The following NELL2 variants were observed in gnomAD, a reference collection of about 807,000 sequenced individuals.
NELL2 encodes neural EGFL like 2, also known as protein kinase C-binding protein NELL2.
NELL2 carries 41 observed loss-of-function variants against 109.6 expected under a neutral mutation model. That is an observed-to-expected ratio of 0.37 (90% confidence interval 0.29 to 0.49). NELL2 has a LOEUF of 0.49. Among genes scored for constraint, NELL2 ranks in the 20% least tolerant of loss-of-function variants. The pLI, the probability that NELL2 is intolerant of heterozygous loss-of-function variation, is 0.98. For synonymous variants in NELL2, 355 were observed against 344.7 expected (o/e 1.03, Z -0.33); for missense variants, 900 against 1,008.3 (o/e 0.89, Z 1.45).
intron 19 of NELL2, among the ~76,000 whole-genome samples, chr12:44,518,888 T>A (rs184666807): frequency 1.6e-3 from 249 of 152,346 alleles, no homozygotes; most frequent in Non-Finnish European, 2.9e-3. Flanking sequence ...ACTTTTAAAT[T>A]TGCTAATGCA....
At chr12:44,566,566 C>CACACACAGAGAGAG (rs377368706) in intron 15 of NELL2, among the ~76,000 whole-genome samples, 1 of 138,422 alleles carries the variant, frequency 7.2e-6, no homozygotes, top group African/African-American at 2.6e-5. Context: ...CACACACACA[C>CACACACAGAGAGAG]AGAGTTTTAT....
chr12:44,694,520 A>AACACACACACACACACACAC (rs60024794), intron 12 of NELL2, among the ~76,000 whole-genome samples: 3 of 144,290 alleles, frequency 2.1e-5, no homozygotes, highest in Non-Finnish European at 3.0e-5. Context: ...CACACATACA[A>AACACACACACACACACACAC]ACACACACAC....
rs567066471 is a variant in NELL2 at position 44,899,699 on chromosome 12, T to A, written c.38+14100A>T. 5.3e-5 allele frequency among the ~76,000 whole-genome samples: 8 copies of A among 152,192 alleles called. No homozygotes were observed. The South Asian group carries it at 1.7e-3, about 32-fold the overall frequency. ...GCATCGACACTATGAAGAAACTGCA[T>A]CAACTAATGGGCAAAATAACCAGCT... On this transcript the variant is annotated intron_variant, in intron 1 of 20. Transcript: ENST00000333837.
Position 44,750,916 on chromosome 12 carries a change from G to C in NELL2, c.994+23831C>G, listed in dbSNP as rs145441478. Among the ~76,000 whole-genome samples, 601 of 152,166 alleles carry C rather than the reference G, an allele frequency of 3.9e-3. 3 individuals are homozygous for C. Among genetic ancestry groups the C allele is most frequent in the Middle Eastern group, 0.024 (7 of 294 alleles). On this transcript the variant is annotated intron_variant, in intron 9 of 19. Coordinates refer to ENST00000429094, the MANE Select transcript of NELL2 (RefSeq NM_001145108.2). ...AGCAAGAGTCATTATAAAAGAGTAA[G>C]CAATATTCAAGAAGGTGTTTGGGTT...
intron 15 of NELL2, among the ~76,000 whole-genome samples, chr12:44,541,150 C>A (rs2198338): frequency 0.57 from 85,431 of 149,100 alleles, 24,620 homozygotes; most frequent in East Asian, 0.72. Context: ...ACTCGGGAGG[C>A]TGAGGCAGGA....
intron 13 of NELL2, among the ~76,000 whole-genome samples, chr12:44,616,274 T>G (rs1467087349): frequency 6.6e-6 from 1 of 152,190 alleles, no homozygotes; most frequent in Non-Finnish European, 1.5e-5. Flanking sequence ...ATTGCCTATC[T>G]TGCATCTTCT....
chr12:44,684,096 G>A (rs189242352), intron 12 of NELL2, among the ~76,000 whole-genome samples: 1 of 152,104 alleles, frequency 6.6e-6, no homozygotes, highest in South Asian at 2.1e-4. Context: ...CAATTTCAGA[G>A]CCTGTTATTG....
chr12:44,593,140 G>T (rs148463807), intron 15 of NELL2, among the ~76,000 whole-genome samples: 11 of 152,290 alleles, frequency 7.2e-5, no homozygotes, highest in African/African-American at 2.6e-4. Context: ...AGTGCTAAAT[G>T]TCCAAGTGAA....
chr12:44,827,424 T>TG (rs2136712273), intron 2 of NELL2, among the ~76,000 whole-genome samples: 1 of 151,382 alleles, frequency 6.6e-6, no homozygotes, highest in Admixed American at 6.6e-5. Context: ...TTTTTTTTTT[T>TG]TTTTGTACCC....
intron 13 of NELL2, among the ~76,000 whole-genome samples, chr12:44,627,908 A>G (rs1946322501): frequency 6.6e-6 from 1 of 152,230 alleles, no homozygotes; most frequent in Non-Finnish European, 1.5e-5. Flanking sequence ...CTGGTTATTG[A>G]TAAAATGTAT....
At chr12:44,711,800 C>T (rs570603094) in intron 10 of NELL2, among the ~76,000 whole-genome samples, 63 of 152,048 alleles carry the variant, frequency 4.1e-4, no homozygotes, top group African/African-American at 1.5e-3. Flanking sequence ...TTTCAGTTTT[C>T]TTATAAAGTT....
chr12:44,619,489 G>T (rs998387889), intron 13 of NELL2, among the ~76,000 whole-genome samples: 3 of 152,210 alleles, frequency 2.0e-5, no homozygotes, highest in African/African-American at 7.2e-5. Flanking sequence ...ATGTTAGAAA[G>T]TTAGCATTCC....
In NELL2 at chr12:44,614,587, C is replaced by T. The variant is rs76243704; in HGVS notation, c.1445-3617G>A. ...ATATACACAGTTGGATGCATCTAAA[C>T]GCAGATGTTATGTATAACAATAATA... On this transcript the variant is annotated intron_variant, in intron 13 of 19. Transcript: ENST00000429094. Among the ~76,000 whole-genome samples the T allele has an allele frequency of 1.2e-3, 178 of 152,104 alleles. 1 individual carries two copies. Among genetic ancestry groups the T allele is most frequent in the African/African-American group, 4.2e-3 (173 of 41,492 alleles).
intron 2 of NELL2, among the ~76,000 whole-genome samples, chr12:44,834,018 A>C (rs1943969623): frequency 6.6e-6 from 1 of 152,064 alleles, no homozygotes; most frequent in South Asian, 2.1e-4. Flanking sequence ...CTTCCATAAA[A>C]TTTTCTTTCT....
At chr12:44,633,145 G>C (rs958029265) in intron 13 of NELL2, among the ~76,000 whole-genome samples, 1 of 152,024 alleles carries the variant, frequency 6.6e-6, no homozygotes, top group South Asian at 2.1e-4. Context: ...TAGATGCTAA[G>C]AGGAAAAGAA....
intron 13 of NELL2, among the ~76,000 whole-genome samples, chr12:44,644,390 A>G (rs1364945861): frequency 1.3e-5 from 2 of 151,592 alleles, no homozygotes; most frequent in Admixed American, 1.3e-4. Flanking sequence ...GCAACCACCT[A>G]TTGCTATTTA....
At chr12:44,569,055 C>T (rs192914326) in intron 15 of NELL2, among the ~76,000 whole-genome samples, 191 of 152,126 alleles carry the variant, frequency 1.3e-3, no homozygotes, top group Non-Finnish European at 2.1e-3. Context: ...TCCAATAGGC[C>T]CCAGTGTCTG....
chr12:44,532,785 G>A, intron 15 of NELL2, 64 bp from the exon 16 acceptor site: 1 of 1,450,462 alleles, frequency 6.9e-7, no homozygotes. Context: ...AGAATATTCT[G>A]CTACAAGGCT....
chr12:44,516,297 G>A (rs1277500091), intron 19 of NELL2, among the ~76,000 whole-genome samples: 1 of 152,050 alleles, frequency 6.6e-6, no homozygotes, highest in Non-Finnish European at 1.5e-5. Context: ...ATATTGGCAT[G>A]TATATAGCTT....
Sources: gnomAD v4.1 joint callset for allele counts (sites outside exome capture counted in the v4.1 genomes callset) on GRCh38, gnomAD v4.1.1 for gene constraint, MANE v1.5 for transcripts, NCBI Gene and HGNC (gene_info 2026-07-23, HGNC 2026-07-21) for gene names.